The following ANKRD27 variants were observed in gnomAD, a reference collection of about 807,000 sequenced individuals.
ANKRD27 encodes the protein ankyrin repeat domain 27, also known as ankyrin repeat domain-containing protein 27.
In ANKRD27, 112 loss-of-function variants were observed where a neutral mutation model predicts 129.7. The ratio of observed to expected loss-of-function variants is 0.86; its 90% CI spans 0.74 to 1.01. The LOEUF (loss-of-function observed/expected upper bound fraction) is 1.01. Among genes scored for constraint, ANKRD27 ranks in the 50% least tolerant of loss-of-function variants. ANKRD27 has a pLI of 0.00. For missense variants in ANKRD27, 1,258 were observed against 1,300.5 expected, an observed-to-expected ratio of 0.97 and a Z score of 0.50; for synonymous variants, 516 against 511.2, an observed-to-expected ratio of 1.01 and a Z score of -0.13.
chr19:32,604,225 C>T (rs1243746019), intron 25 of ANKRD27, 38 bp downstream of exon 25: 2 of 1,564,142 alleles, frequency 1.3e-6, no homozygotes, highest in Admixed American at 1.7e-5. Flanking sequence ...CTGTGAGGAG[C>T]TCAGGATTCC....
chr19:32,669,296 C>T (rs890934794), intron 1 of ANKRD27, among the ~76,000 whole-genome samples: 3 of 152,120 alleles, frequency 2.0e-5, no homozygotes, highest in East Asian at 1.9e-4. Context: ...TAAAAATGGT[C>T]GCATATAATC....
intron 1 of ANKRD27, among the ~76,000 whole-genome samples, chr19:32,668,074 T>C (rs1967794883): frequency 1.3e-5 from 2 of 152,190 alleles, no homozygotes; most frequent in African/African-American, 2.4e-5. Context: ...TTGGAACTAA[T>C]GGTAAAAATA....
At chr19:32,632,302 T>C (rs1307331119) in intron 12 of ANKRD27, among the ~76,000 whole-genome samples, 2 of 132,150 alleles carry the variant, frequency 1.5e-5, no homozygotes. Context: ...AATAAATAAA[T>C]AGGCCAGGCG....
chr19:32,609,681 A>C (rs12461464), intron 22 of ANKRD27, among the ~76,000 whole-genome samples: 3 of 146,948 alleles, frequency 2.0e-5, no homozygotes, highest in Admixed American at 2.0e-4. Flanking sequence ...AGTGGGGGGG[A>C]AGGCAAAATC....
At chr19:32,627,377 TA>T (rs1237736651) in intron 15 of ANKRD27, among the ~76,000 whole-genome samples, 54 of 49,458 alleles carry the variant, frequency 1.1e-3, no homozygotes, top group African/African-American at 3.8e-3. Context: ...TTTATTTATT[TA>T]TTTATTTATT....
chr19:32,609,654 G>A (rs1165862066), intron 22 of ANKRD27, among the ~76,000 whole-genome samples: 1 of 140,856 alleles, frequency 7.1e-6, no homozygotes, highest in Non-Finnish European at 1.6e-5. Context: ...GAGGCGATGG[G>A]GGAATGGGGG....
chr19:32,602,267 A>G (rs1247725110), intron 25 of ANKRD27, 141 bp from the exon 26 acceptor site: 1 of 607,222 alleles, frequency 1.6e-6, no homozygotes, highest in East Asian at 2.9e-5. Context: ...CTTGGAGGCC[A>G]TAAAGCCCAG....
chr19:32,626,065 G>C (rs915486835), intron 16 of ANKRD27, 99 bp from the exon 17 acceptor site: 9 of 842,452 alleles, frequency 1.1e-5, no homozygotes, highest in South Asian at 6.0e-5. Flanking sequence ...TCCCATCTTC[G>C]ATCTTATTTA....
At chr19:32,645,451 T>C (rs1416665164) in intron 4 of ANKRD27, among the ~76,000 whole-genome samples, 1 of 151,726 alleles carries the variant, frequency 6.6e-6, no homozygotes, top group Non-Finnish European at 1.5e-5. Flanking sequence ...TATTTTATTG[T>C]TTTTGGAGAT....
At chr19:32,637,687 C>T (rs1185801748) in intron 12 of ANKRD27, 2 of 152,324 alleles carry the variant, frequency 1.3e-5, no homozygotes, top group Admixed American at 6.5e-5. Context: ...CAGCTGCAGC[C>T]GCCCAGCCGC....
chr19:32,599,229 C>T (rs1341351150), intron 28 of ANKRD27, among the ~76,000 whole-genome samples: 1 of 152,066 alleles, frequency 6.6e-6, no homozygotes. Flanking sequence ...TGCAGTGAGC[C>T]GAGATCGTGC....
At chr19:32,622,182 C>T (rs1295004452) in intron 18 of ANKRD27, among the ~76,000 whole-genome samples, 1 of 152,188 alleles carries the variant, frequency 6.6e-6, no homozygotes, top group Non-Finnish European at 1.5e-5. Flanking sequence ...ACTCGGCAGC[C>T]AGAACAAACT....
At chr19:32,668,210 T>C (rs1216500413) in intron 1 of ANKRD27, among the ~76,000 whole-genome samples, 1 of 152,154 alleles carries the variant, frequency 6.6e-6, no homozygotes, top group Non-Finnish European at 1.5e-5. Context: ...TGGAGTACAG[T>C]GACACAATCA....
At chr19:32,621,863 G>C (rs1301054969) in intron 18 of ANKRD27, among the ~76,000 whole-genome samples, 2 of 152,116 alleles carry the variant, frequency 1.3e-5, no homozygotes, top group African/African-American at 2.4e-5. Flanking sequence ...CGGGAGACGA[G>C]AGTGCAGAGA....
At chr19:32,664,798 T>C (rs1030571171) in intron 1 of ANKRD27, among the ~76,000 whole-genome samples, 2 of 148,940 alleles carry the variant, frequency 1.3e-5, no homozygotes, top group Non-Finnish European at 3.0e-5. Context: ...AATACAAAAA[T>C]TAGCCAGGCT....
At chr19:32,644,001 A>G (rs1256081316) in intron 5 of ANKRD27, among the ~76,000 whole-genome samples, 1 of 152,006 alleles carries the variant, frequency 6.6e-6, no homozygotes, top group African/African-American at 2.4e-5. Flanking sequence ...CGGCCTCCCA[A>G]GTAGCTGGGA....
At chr19:32,666,229 T>C (rs1967752217) in intron 1 of ANKRD27, 1 of 152,224 alleles carries the variant, frequency 6.6e-6, no homozygotes, top group South Asian at 2.1e-4. Flanking sequence ...GTTGCTAAAA[T>C]TAGATTGCTT....
At chr19:32,661,935 T>C (rs1042120356) in intron 1 of ANKRD27, among the ~76,000 whole-genome samples, 3 of 152,192 alleles carry the variant, frequency 2.0e-5, no homozygotes, top group African/African-American at 7.2e-5. Flanking sequence ...AGGTCAGTGC[T>C]TTTTGAGCCT....
chr19:32,661,708 T>C (rs1445845155), intron 1 of ANKRD27, among the ~76,000 whole-genome samples: 1 of 152,096 alleles, frequency 6.6e-6, no homozygotes, highest in Non-Finnish European at 1.5e-5. Flanking sequence ...TGGGATCCTC[T>C]TGTATACCCA....
Sources: allele counts gnomAD v4.1 joint callset (sites outside exome capture counted in the v4.1 genomes callset), GRCh38; gene constraint gnomAD v4.1.1; transcripts MANE v1.5; gene names NCBI Gene and HGNC (gene_info 2026-07-23, HGNC 2026-07-21).